The following SCN7A variants were observed in gnomAD, a reference collection of about 807,000 sequenced individuals.
SCN7A encodes the protein sodium voltage-gated channel alpha subunit 7, also known as sodium channel protein type 7 subunit alpha.
A neutral mutation model predicts 155.2 loss-of-function variants in SCN7A; 138 were observed. The observed-to-expected ratio is 0.89, with a 90% CI of 0.77 to 1.02. The LOEUF (loss-of-function observed/expected upper bound fraction) is 1.02, where lower values mean the gene tolerates loss of function less well. Among genes scored for constraint, SCN7A ranks in the 50% least tolerant of loss-of-function variants. The pLI, the probability that SCN7A is intolerant of heterozygous loss-of-function variation, is 0.00. For missense variants in SCN7A, 2,058 were observed against 1,986.6 expected, an observed-to-expected ratio of 1.04 and a Z score of -0.68; for synonymous variants, 693 against 649.0, an observed-to-expected ratio of 1.07 and a Z score of -1.03.
intron 9 of SCN7A, among the ~76,000 whole-genome samples, chr2:166,463,445 A>G (rs1702457171): frequency 6.6e-6 from 1 of 152,218 alleles, no homozygotes. Flanking sequence ...TTGCTGACCC[A>G]TACTATCTGA....
At chr2:166,438,030 G>A (rs1326710319) in intron 15 of SCN7A, among the ~76,000 whole-genome samples, 2 of 152,168 alleles carry the variant, frequency 1.3e-5, no homozygotes, top group African/African-American at 2.4e-5. Context: ...GTTTTGAAAT[G>A]TGAGGATATG....
At chr2:166,471,529 C>T (rs1265048529) in intron 6 of SCN7A, among the ~76,000 whole-genome samples, 1 of 151,770 alleles carries the variant, frequency 6.6e-6, no homozygotes, top group African/African-American at 2.4e-5. Flanking sequence ...ACATAGCAGA[C>T]ATCTTTATGC....
Position 166,439,055 on chromosome 2 carries a change from G to GTGTA in SCN7A, c.2157+2340_2157+2341insTACA, listed in dbSNP as rs375208870. On this transcript the variant is annotated intron_variant, in intron 15 of 25. Transcript: ENST00000643258. The stretch of plus-strand genomic sequence containing the variant: ...CACATACATATATGTGTGTGTGTGT[G>GTGTA]TATATATATATATATATATATATAG... Among the ~76,000 whole-genome samples, 692 of 113,396 alleles carry GTGTA rather than the reference G, an allele frequency of 6.1e-3. 25 individuals carry two copies. In the East Asian group the frequency reaches 0.1, roughly 17 times the overall value. 74.4% of individuals were successfully genotyped at this position (113,396 alleles called of 152,430 possible).
At chr2:166,408,266 C>T (rs1574996539) in intron 25 of SCN7A, among the ~76,000 whole-genome samples, 1 of 151,948 alleles carries the variant, frequency 6.6e-6, no homozygotes, top group Non-Finnish European at 1.5e-5. Context: ...CTATAGCCTA[C>T]TCATTCTTCA....
intron 2 of SCN7A, among the ~76,000 whole-genome samples, chr2:166,483,434 G>A (rs1258501987): frequency 6.6e-6 from 1 of 151,830 alleles, no homozygotes; most frequent in Non-Finnish European, 1.5e-5. Context: ...GTAGTTTTGT[G>A]TACATATTAT....
At chr2:166,470,736 G>A in intron 6 of SCN7A, 30 bp from the exon 7 acceptor site, 2 of 1,561,428 alleles carry the variant, frequency 1.3e-6, no homozygotes, top group Non-Finnish European at 1.7e-6. Context: ...TTACTTAAAA[G>A]TCATATTACA....
intron 21 of SCN7A, chr2:166,414,462 G>GATATATATATATATATATATATAT (rs373659814): frequency 1.0e-4 from 12 of 118,176 alleles, no homozygotes; most frequent in African/African-American, 3.9e-4. Flanking sequence ...GAACTAATAG[G>GATATATATATATATATATATATAT]ATATATATAT....
At chr2:166,419,774 G>A (rs1249762088) in intron 20 of SCN7A, among the ~76,000 whole-genome samples, 1 of 152,100 alleles carries the variant, frequency 6.6e-6, no homozygotes, top group Non-Finnish European at 1.5e-5. Context: ...TCACCACCTT[G>A]TGGATCTTCA....
intron 19 of SCN7A, 99 bp downstream of exon 19, chr2:166,423,160 G>A: frequency 1.7e-6 from 2 of 1,159,844 alleles, no homozygotes; most frequent in Non-Finnish European, 1.2e-6. Flanking sequence ...TAGAGAGAGA[G>A]GGAAAGGAAA....
At chr2:166,448,475 G>C (rs192111397) in intron 11 of SCN7A, among the ~76,000 whole-genome samples, 1 of 152,108 alleles carries the variant, frequency 6.6e-6, no homozygotes, top group African/African-American at 2.4e-5. Context: ...ATACCCTGCA[G>C]TGGGATCCCT....
At chr2:166,410,143 C>T (rs923099239) in intron 24 of SCN7A, 77 bp downstream of exon 24, 1 of 1,218,308 alleles carries the variant, frequency 8.2e-7, no homozygotes, top group East Asian at 2.6e-5. Context: ...TTGACAAAAA[C>T]ATTTGTTAAG....
intron 12 of SCN7A, among the ~76,000 whole-genome samples, 198 bp downstream of exon 12, chr2:166,447,414 C>T (rs981430580): frequency 2.6e-5 from 4 of 152,064 alleles, no homozygotes; most frequent in Non-Finnish European, 5.9e-5. Context: ...TTATTTGGTA[C>T]TCTTTGGTCA....
chr2:166,413,981 G>GTGTATATATATATATATA lies in SCN7A; in HGVS notation c.3415-861_3415-860insTATATATATATATATACA, dbSNP rs1553513525. On this transcript the variant is annotated intron_variant, in intron 21 of 25. Coordinates refer to ENST00000643258, the MANE Select transcript of SCN7A (RefSeq NM_002976.4). ...CCCCTTTATATATATATGTGTATGT[G>GTGTATATATATATATATA]TATATATATATATATATATATAAAT... Among the ~76,000 whole-genome samples the GTGTATATATATATATATA allele has an allele frequency of 1.5e-3, 82 of 53,486 alleles. 3 individuals are homozygous for GTGTATATATATATATATA. Among genetic ancestry groups the GTGTATATATATATATATA allele is most frequent in the East Asian group, 5.5e-3 (13 of 2,350 alleles). The allele number at this position is 53,486 out of a possible 152,430, so 35.1% of individuals were successfully genotyped here.
chr2:166,406,153 A>G lies in SCN7A; in HGVS notation c.4476T>C (p.Ile1492=). ...TATTTAAAAACTCCATGACAACAAC[A>G]ATGTACATATTTACAATGATCAGCC... ...ISWLIIVNMY[I]VVVMEFLNIA... is the part of the protein sequence containing the mutation. Residue 1492 remains isoleucine (I), a synonymous_variant, in exon 26 of 26, where the codon ATT becomes ATC. Coordinates refer to ENST00000643258, the MANE Select transcript of SCN7A (RefSeq NM_002976.4). 1 of 1,612,146 alleles carries G rather than the reference A, an allele frequency of 6.2e-7. No homozygotes were observed. The highest frequency in any genetic ancestry group is 8.5e-7 in the Non-Finnish European group (1 of 1,178,912).
At chr2:166,443,429 T>C (rs962740896) in intron 14 of SCN7A, 74 bp downstream of exon 14, 1 of 1,282,418 alleles carries the variant, frequency 7.8e-7, no homozygotes, top group South Asian at 1.4e-5. Flanking sequence ...GGTATTACTG[T>C]AACCCCATTT....
chr2:166,470,764 TG>T, intron 6 of SCN7A, 58 bp from the exon 7 acceptor site: 1 of 1,423,434 alleles, frequency 7.0e-7, no homozygotes, highest in South Asian at 1.5e-5. Context: ...TACTTATTCT[TG>T]GCTTTTTATG....
At chr2:166,444,067 C>T (rs1173654259) in intron 13 of SCN7A, among the ~76,000 whole-genome samples, 2 of 152,104 alleles carry the variant, frequency 1.3e-5, no homozygotes, top group Non-Finnish European at 2.9e-5. Context: ...AAAAACTGTA[C>T]TGGCAGAAAT....
chr2:166,460,907 A>T (rs1362839304), intron 10 of SCN7A, among the ~76,000 whole-genome samples: 1 of 152,112 alleles, frequency 6.6e-6, no homozygotes, highest in Non-Finnish European at 1.5e-5. Context: ...ATGTGATAAG[A>T]TTATTTTAGA....
intron 10 of SCN7A, among the ~76,000 whole-genome samples, chr2:166,458,869 T>C (rs1702342750): frequency 6.6e-6 from 1 of 152,222 alleles, no homozygotes; most frequent in Admixed American, 6.5e-5. Context: ...TTTCAGAATG[T>C]ATCCCTGTCA....
Sources: gnomAD v4.1 joint callset for allele counts (sites outside exome capture counted in the v4.1 genomes callset) on GRCh38, gnomAD v4.1.1 for gene constraint, MANE v1.5 for transcripts, NCBI Gene and HGNC (gene_info 2026-07-23, HGNC 2026-07-21) for gene names.